Variants in XIRP2 observed in about 807,000 individuals in gnomAD.
The protein encoded by XIRP2 is xin actin-binding repeat-containing protein 2.
A neutral mutation model predicts 277.0 loss-of-function variants in XIRP2; 236 were observed. That is an observed-to-expected ratio of 0.85 (90% CI 0.77 to 0.95). The LOEUF (loss-of-function observed/expected upper bound fraction) is 0.95, where lower values mean the gene tolerates loss of function less well. XIRP2 is among the 40% of genes least tolerant of loss of function. The pLI is 0.00. For missense variants in XIRP2, 4,640 were observed against 4,157.5 expected (o/e 1.12, Z -3.19); for synonymous variants, 1,490 against 1,416.5 (o/e 1.05, Z -1.17).
Position 167,246,674 on chromosome 2 carries a change from T to A in XIRP2, c.5282T>A (p.Leu1761His), listed in dbSNP as rs997251056. 4.3e-6 allele frequency: 7 copies of A among 1,613,572 alleles called. No homozygotes were observed. Among genetic ancestry groups the A allele is most frequent in the Non-Finnish European group, 5.9e-6 (7 of 1,179,838 alleles). The change falls in exon 9 of 11, where the codon CTC becomes CAC. Residue 1761 changes from leucine (L) to histidine (H), a missense_variant. Transcript: ENST00000409195. The part of the protein sequence containing the change: ...EAGALDYLKQ[L>H]HTESNETLTA... ...GGAGCTTTGGATTATCTGAAACAAC[T>A]CCACACAGAGTCAAATGAAACACTG...
At chr2:167,205,514 G>C (rs1031742348) in intron 3 of XIRP2, among the ~76,000 whole-genome samples, 1 of 151,992 alleles carries the variant, frequency 6.6e-6, no homozygotes, top group African/African-American at 2.4e-5. Context: ...TTGCTGTACT[G>C]TGCTAATTAG....
chr2:167,190,389 C>T (rs577219018), intron 3 of XIRP2, among the ~76,000 whole-genome samples: 1 of 152,138 alleles, frequency 6.6e-6, no homozygotes, highest in Non-Finnish European at 1.5e-5. Context: ...CCCTACCCCC[C>T]ACTCCTGACT....
chr2:167,065,766 C>T (rs1305278484), intron 2 of XIRP2, among the ~76,000 whole-genome samples: 1 of 151,826 alleles, frequency 6.6e-6, no homozygotes, highest in Non-Finnish European at 1.5e-5. Flanking sequence ...TTTTGTCATG[C>T]ATGTTCCCAG....
Position 167,244,763 on chromosome 2 carries a change from T to C in XIRP2, c.3371T>C (p.Val1124Ala), listed in dbSNP as rs1231551831. 1 of 1,613,398 alleles carries C rather than the reference T, an allele frequency of 6.2e-7. No individual in the cohort carries two copies. The highest frequency in any genetic ancestry group is 1.7e-5 in the Admixed American group (1 of 59,928). ...TSSEEIHKGD[V>A]KTCTWLFETQ... Reference sequence around the variant, plus strand: ...AGTGAAGAAATTCATAAGGGAGATGTCAAAACTTGTACTTGGCTCTTTGAA... The same window carrying C: ...AGTGAAGAAATTCATAAGGGAGATGCCAAAACTTGTACTTGGCTCTTTGAA... The change falls in exon 9 of 11, where the codon GTC (valine) becomes GCC (alanine). Residue 1124 changes from valine to alanine, a missense_variant. By Grantham distance (64) the Val-to-Ala change is moderately conservative. Transcript: ENST00000409195.
In XIRP2 at chr2:167,087,122, G is replaced by T. The variant is rs912962869; in HGVS notation, c.409-48787G>T. Among the ~76,000 whole-genome samples, 4 of 152,018 alleles carry T rather than the reference G, an allele frequency of 2.6e-5. No homozygotes were observed. The South Asian group carries it at 8.3e-4, about 32-fold the overall frequency. On this transcript the variant is annotated intron_variant, in intron 2 of 10. Coordinates refer to ENST00000409195, the MANE Select transcript of XIRP2 (RefSeq NM_152381.6). Reference sequence around the variant, plus strand: ...ATGGTGATGTACACATGGGTTTTTGGTGTGGATGTCCTTTCTGTTTGTTAG... The same window carrying T: ...ATGGTGATGTACACATGGGTTTTTGTTGTGGATGTCCTTTCTGTTTGTTAG...
chr2:167,133,680 G>A (rs16852996), intron 2 of XIRP2, among the ~76,000 whole-genome samples: 95 of 152,142 alleles, frequency 6.2e-4, no homozygotes, highest in South Asian at 2.3e-3. Context: ...ACTTTGTAGG[G>A]ATCTGCACCT....
intron 3 of XIRP2, among the ~76,000 whole-genome samples, chr2:167,173,764 C>G (rs773850598): frequency 2.0e-5 from 3 of 152,140 alleles, no homozygotes; most frequent in Non-Finnish European, 2.9e-5. Flanking sequence ...TACTAGGGTT[C>G]TCTTTTCTCC....
chr2:167,007,452 T>C lies in XIRP2; in HGVS notation c.408+103562T>C, dbSNP rs139050472. ...AGAAAAAATGACATTACCAGTAATG[T>C]TAATCAGTAATAATCTATAATTTTT... On this transcript the variant is annotated intron_variant, in intron 2 of 10. Transcript: ENST00000409195. Among the ~76,000 whole-genome samples, 286 of 151,806 alleles carry C rather than the reference T, an allele frequency of 1.9e-3. 2 individuals are homozygous for C. Among genetic ancestry groups the C allele is most frequent in the African/African-American group, 6.5e-3 (271 of 41,488 alleles).
At chr2:166,977,429 C>G (rs993255932) in intron 2 of XIRP2, among the ~76,000 whole-genome samples, 11 of 152,090 alleles carry the variant, frequency 7.2e-5, no homozygotes, top group African/African-American at 2.7e-4. Context: ...AAATGAAAAT[C>G]ATCAATAAAA....
At chr2:167,210,161 T>G (rs1693981680) in intron 3 of XIRP2, among the ~76,000 whole-genome samples, 1 of 152,158 alleles carries the variant, frequency 6.6e-6, no homozygotes, top group Non-Finnish European at 1.5e-5. Context: ...GCCTATAATA[T>G]TCACAATATT....
Position 167,247,259 on chromosome 2 carries a change from C to G in XIRP2, c.5867C>G (p.Ser1956Cys). Residue 1956 changes from serine (S) to cysteine (C), a missense_variant, in exon 9 of 11, where the codon TCC becomes TGC. By Grantham distance (112) the Ser-to-Cys change is moderately radical. Coordinates refer to ENST00000409195, the MANE Select transcript of XIRP2 (RefSeq NM_152381.6). Reference protein sequence around the residue: ...KKDAKAVMAGSSGEQKTDIHQ... With the variant: ...KKDAKAVMAGCSGEQKTDIHQ... Reference sequence around the variant, plus strand: ...GATGCTAAAGCTGTGATGGCAGGATCCTCGGGAGAGCAGAAAACAGATATT... The same window carrying G: ...GATGCTAAAGCTGTGATGGCAGGATGCTCGGGAGAGCAGAAAACAGATATT... 1 of 1,613,618 alleles carries G rather than the reference C, an allele frequency of 6.2e-7. No homozygotes were observed. The highest frequency in any genetic ancestry group is 2.2e-5 in the East Asian group (1 of 44,830).
At chr2:167,147,921 T>A (rs1691904518) in intron 3 of XIRP2, among the ~76,000 whole-genome samples, 1 of 152,162 alleles carries the variant, frequency 6.6e-6, no homozygotes, top group African/African-American at 2.4e-5. Flanking sequence ...AATCAAACCA[T>A]TCTCAAGTAT....
intron 3 of XIRP2, among the ~76,000 whole-genome samples, chr2:167,159,471 A>T (rs150478734): frequency 1.3e-5 from 2 of 150,942 alleles, no homozygotes; most frequent in Non-Finnish European, 3.0e-5. Context: ...TATCATGGAT[A>T]AAGTCATTTA....
chr2:167,109,452 T>A (rs1690694550), intron 2 of XIRP2, among the ~76,000 whole-genome samples: 1 of 152,146 alleles, frequency 6.6e-6, no homozygotes, highest in Non-Finnish European at 1.5e-5. Flanking sequence ...AGCTAATTTT[T>A]GTATTTTTAG....
intron 2 of XIRP2, among the ~76,000 whole-genome samples, chr2:167,037,111 G>C (rs144356830): frequency 7.3e-4 from 111 of 152,248 alleles, no homozygotes; most frequent in African/African-American, 2.5e-3. Flanking sequence ...AATAGCTGGA[G>C]ACTTCAGCAC....
chr2:166,953,223 T>C (rs1686080787), intron 2 of XIRP2, among the ~76,000 whole-genome samples: 1 of 151,916 alleles, frequency 6.6e-6, no homozygotes, highest in African/African-American at 2.4e-5. Flanking sequence ...TGTGTTGATA[T>C]GGTTTGGCTG....
chr2:167,115,104 C>G (rs1460163802), intron 2 of XIRP2, among the ~76,000 whole-genome samples: 2 of 152,156 alleles, frequency 1.3e-5, no homozygotes, highest in Non-Finnish European at 1.5e-5. Context: ...TCTCCAGCAC[C>G]TGTTGTTTCC....
At chr2:167,028,000 C>T (rs1688222492) in intron 2 of XIRP2, among the ~76,000 whole-genome samples, 1 of 152,010 alleles carries the variant, frequency 6.6e-6, no homozygotes, top group Non-Finnish European at 1.5e-5. Flanking sequence ...CAAATGGATA[C>T]AACTCCTCTG....
At chr2:166,985,862 A>G (rs1686991062) in intron 2 of XIRP2, among the ~76,000 whole-genome samples, 1 of 152,232 alleles carries the variant, frequency 6.6e-6, no homozygotes, top group Non-Finnish European at 1.5e-5. Context: ...AGAGGGAAGT[A>G]TCATATTCCT....
Sources: allele counts gnomAD v4.1 joint callset (sites outside exome capture counted in the v4.1 genomes callset), GRCh38; gene constraint gnomAD v4.1.1; transcripts MANE v1.5; gene names NCBI Gene and HGNC (gene_info 2026-07-23, HGNC 2026-07-21).